The following WASF2 variants were observed in gnomAD, a reference collection of about 807,000 sequenced individuals.
The protein encoded by WASF2 is WASP family member 2.
A neutral mutation model predicts 45.0 loss-of-function variants in WASF2; 14 were observed. That is an observed-to-expected ratio of 0.31 (90% confidence interval 0.21 to 0.49). The LOEUF (loss-of-function observed/expected upper bound fraction) is 0.49, where lower values mean the gene tolerates loss of function less well. Ranked by LOEUF, WASF2 falls within the 20% of genes least tolerant of loss-of-function variation. The pLI, the probability that WASF2 is intolerant of heterozygous loss-of-function variation, is 0.99. For missense variants in WASF2, 439 were observed against 636.1 expected, an observed-to-expected ratio of 0.69 and a Z score of 3.33; for synonymous variants, 200 against 236.3, an observed-to-expected ratio of 0.85 and a Z score of 1.41.
intron 1 of WASF2, among the ~76,000 whole-genome samples, chr1:27,450,177 A>G (rs1571145466): frequency 1.8e-5 from 1 of 56,054 alleles, no homozygotes; most frequent in Admixed American, 3.0e-4. Flanking sequence ...GACCAAGACT[A>G]CCGTGACAAC....
At chr1:27,476,650 CCA>C (rs1176760574) in intron 1 of WASF2, among the ~76,000 whole-genome samples, 1 of 151,966 alleles carries the variant, frequency 6.6e-6, no homozygotes. Flanking sequence ...TATTTTTCCC[CCA>C]GAGAATTCAT....
At chr1:27,412,110 C>G (rs1298154067) in intron 7 of WASF2, among the ~76,000 whole-genome samples, 1 of 152,198 alleles carries the variant, frequency 6.6e-6, no homozygotes, top group Non-Finnish European at 1.5e-5. Flanking sequence ...AAGAGGACTC[C>G]TATGAGAATT....
chr1:27,448,340 A>G (rs957861033), intron 1 of WASF2, among the ~76,000 whole-genome samples: 2 of 152,194 alleles, frequency 1.3e-5, no homozygotes, highest in Admixed American at 1.3e-4. Context: ...CCATTCCACA[A>G]TGTCTGAGTG....
intron 1 of WASF2, among the ~76,000 whole-genome samples, chr1:27,477,891 T>TC (rs2017787914): frequency 1.2e-5 from 1 of 83,206 alleles, no homozygotes. Flanking sequence ...AGAGCGAGAC[T>TC]CCGTCTCAAA....
At chr1:27,427,144 T>C (rs963299171) in intron 2 of WASF2, among the ~76,000 whole-genome samples, 2 of 152,154 alleles carry the variant, frequency 1.3e-5, no homozygotes, top group African/African-American at 4.8e-5. Flanking sequence ...GTTTATTGGA[T>C]GAATAAAGGA....
At chr1:27,469,201 G>A (rs946206820) in intron 1 of WASF2, among the ~76,000 whole-genome samples, 2 of 152,120 alleles carry the variant, frequency 1.3e-5, no homozygotes, top group Non-Finnish European at 2.9e-5. Context: ...ATGATCTAAG[G>A]GGGATGAGGG....
intron 1 of WASF2, among the ~76,000 whole-genome samples, chr1:27,436,071 T>C (rs1008341426): frequency 1.8e-4 from 27 of 152,232 alleles, no homozygotes; most frequent in Admixed American, 2.0e-4. Context: ...CACTGTTCTA[T>C]AGTTAACAGC....
chr1:27,487,392 C>T (rs1486387530), intron 1 of WASF2, among the ~76,000 whole-genome samples: 1 of 134,428 alleles, frequency 7.4e-6, no homozygotes, highest in Non-Finnish European at 1.5e-5. Context: ...AGTCACCATG[C>T]CCGGCCTATA....
At chr1:27,422,017 C>T (rs189569479) in intron 2 of WASF2, among the ~76,000 whole-genome samples, 168 of 151,090 alleles carry the variant, frequency 1.1e-3, no homozygotes, top group African/African-American at 3.8e-3. Flanking sequence ...TATCTATTAA[C>T]CATCCAGCTA....
intron 1 of WASF2, among the ~76,000 whole-genome samples, chr1:27,463,826 G>A (rs1412884918): frequency 6.9e-6 from 1 of 145,868 alleles, no homozygotes; most frequent in Non-Finnish European, 1.5e-5. Context: ...TTTTGAGACA[G>A]AGTTTCACTC....
intron 1 of WASF2, among the ~76,000 whole-genome samples, chr1:27,456,640 G>GAATA (rs1023528893): frequency 6.6e-5 from 10 of 151,838 alleles, no homozygotes; most frequent in Non-Finnish European, 1.5e-4. Flanking sequence ...TAGTGGTTAG[G>GAATA]AATAAATAAA....
chr1:27,412,828 T>A (rs556347193), intron 6 of WASF2, 101 bp from the exon 7 acceptor site: 125 of 1,360,042 alleles, frequency 9.2e-5, no homozygotes, highest in Non-Finnish European at 1.2e-4. Context: ...CAAAAGCTAT[T>A]AGGGAGAAGT....
At chr1:27,430,941 A>G (rs1340934937) in intron 1 of WASF2, among the ~76,000 whole-genome samples, 1 of 152,220 alleles carries the variant, frequency 6.6e-6, no homozygotes, top group African/African-American at 2.4e-5. Flanking sequence ...TTGTCTGACC[A>G]AAAGAGAAAA....
At chr1:27,473,138 CAAAT>C (rs1557620580) in intron 1 of WASF2, among the ~76,000 whole-genome samples, 1 of 151,806 alleles carries the variant, frequency 6.6e-6, no homozygotes, top group East Asian at 1.9e-4. Context: ...AATAAAAGGA[CAAAT>C]AACCCAATTT....
intron 1 of WASF2, among the ~76,000 whole-genome samples, chr1:27,449,824 A>T (rs1158346060): frequency 6.6e-6 from 1 of 151,702 alleles, no homozygotes; most frequent in African/African-American, 2.4e-5. Context: ...CTCAGGGTCC[A>T]ATCTGGGACA....
intron 1 of WASF2, among the ~76,000 whole-genome samples, chr1:27,429,288 A>C (rs527357056): frequency 5.3e-5 from 8 of 152,296 alleles, no homozygotes; most frequent in African/African-American, 1.4e-4. Context: ...TTCAGCAGAC[A>C]CTGGACGGTA....
At chr1:27,455,749 C>G (rs184250273) in intron 1 of WASF2, among the ~76,000 whole-genome samples, 1 of 152,102 alleles carries the variant, frequency 6.6e-6, no homozygotes, top group African/African-American at 2.4e-5. Context: ...CGGCCCAGTT[C>G]AAGTGTAATT....
intron 2 of WASF2, among the ~76,000 whole-genome samples, chr1:27,420,668 C>A (rs1025903271): frequency 6.6e-6 from 1 of 151,910 alleles, no homozygotes; most frequent in Non-Finnish European, 1.5e-5. Flanking sequence ...ATTACAGGTG[C>A]CTGCCACAAC....
At chr1:27,411,959 G>C (rs1299204309) in intron 7 of WASF2, among the ~76,000 whole-genome samples, 1 of 152,218 alleles carries the variant, frequency 6.6e-6, no homozygotes, top group Non-Finnish European at 1.5e-5. Context: ...AACAGGAGTA[G>C]TTAAGAATAT....
Sources: gnomAD v4.1 joint callset for allele counts (sites outside exome capture counted in the v4.1 genomes callset) on GRCh38, gnomAD v4.1.1 for gene constraint, MANE v1.5 for transcripts, NCBI Gene and HGNC (gene_info 2026-07-23, HGNC 2026-07-21) for gene names.